ADCY9: variants seen among roughly 807,000 people sequenced by gnomAD.
ADCY9 encodes adenylate cyclase 9.
ADCY9 carries 50 observed loss-of-function variants against 101.5 expected under a neutral mutation model. The observed-to-expected ratio is 0.49, with a 90% confidence interval of 0.39 to 0.62. The LOEUF is 0.62. Among genes scored for constraint, ADCY9 ranks in the 20% least tolerant of loss-of-function variants. The pLI is 0.00. For synonymous variants in ADCY9, 905 were observed against 769.3 expected (o/e 1.18, Z -2.92); for missense variants, 1,662 against 1,800.4 (o/e 0.92, Z 1.39).
chr16:3,967,063 G>A (rs1293188447), intron 10 of ADCY9, 97 bp from the exon 11 acceptor site: 3 of 1,002,580 alleles, frequency 3.0e-6, no homozygotes, highest in Non-Finnish European at 4.4e-6. Context: ...TTGAGTCCAG[G>A]CCTTCAACAA....
At chr16:4,003,563 CTTTTTTTTTT>C (rs34344577) in intron 3 of ADCY9, among the ~76,000 whole-genome samples, 1 of 124,488 alleles carries the variant, frequency 8.0e-6, no homozygotes. Flanking sequence ...TCTTTCTTTT[CTTTTTTTTTT>C]TTTTTTTTTG....
chr16:4,097,964 C>T (rs2057018954), intron 2 of ADCY9, among the ~76,000 whole-genome samples: 2 of 152,080 alleles, frequency 1.3e-5, no homozygotes, highest in African/African-American at 4.8e-5. Context: ...AAAATTCCTG[C>T]TCTTAAGATG....
intron 2 of ADCY9, among the ~76,000 whole-genome samples, chr16:4,100,775 ACT>A (rs1567148448): frequency 6.6e-6 from 1 of 151,788 alleles, no homozygotes; most frequent in Admixed American, 6.6e-5. Flanking sequence ...AAAAAAACAA[ACT>A]CAGTCTGTAA....
At chr16:4,112,465 GA>G (rs1241588975) in intron 2 of ADCY9, among the ~76,000 whole-genome samples, 7 of 152,152 alleles carry the variant, frequency 4.6e-5, no homozygotes, top group African/African-American at 1.7e-4. Flanking sequence ...ACAAGCCAGA[GA>G]AAGAGAATGC....
intron 2 of ADCY9, among the ~76,000 whole-genome samples, chr16:4,099,687 A>G (rs550247954): frequency 6.6e-6 from 1 of 152,364 alleles, no homozygotes; most frequent in East Asian, 1.9e-4. Context: ...AATGGAATGA[A>G]ATACATCAAA....
intron 2 of ADCY9, among the ~76,000 whole-genome samples, chr16:4,089,997 G>A (rs1377922058): frequency 5.3e-5 from 8 of 152,052 alleles, no homozygotes; most frequent in Admixed American, 1.3e-4. Flanking sequence ...CTGGGACTCC[G>A]TGGGCCCGAG....
intron 8 of ADCY9, 32 bp from the exon 9 acceptor site, chr16:3,977,662 C>T: frequency 6.3e-7 from 1 of 1,591,880 alleles, no homozygotes; most frequent in South Asian, 1.1e-5. Context: ...GACAGCCGCC[C>T]AGGGCCACCC....
intron 2 of ADCY9, among the ~76,000 whole-genome samples, chr16:4,041,919 GTTTTT>G (rs750737772): frequency 2.0e-5 from 2 of 100,642 alleles, no homozygotes; most frequent in African/African-American, 7.9e-5. Flanking sequence ...CCCCAGCTAA[GTTTTT>G]TTTTTTTTTT....
chr16:4,021,697 C>T (rs1039043945), intron 2 of ADCY9, among the ~76,000 whole-genome samples: 2 of 152,194 alleles, frequency 1.3e-5, no homozygotes, highest in African/African-American at 4.8e-5. Flanking sequence ...AATATTCGTT[C>T]CCCCATCATA....
At chr16:4,102,553 G>T (rs961503922) in intron 2 of ADCY9, among the ~76,000 whole-genome samples, 1 of 152,170 alleles carries the variant, frequency 6.6e-6, no homozygotes, top group East Asian at 1.9e-4. Context: ...AGCCGCCCGA[G>T]TAGCTGGGAC....
chr16:3,993,538 C>T (rs745619039), intron 3 of ADCY9, 28 bp from the exon 4 acceptor site: 14 of 1,609,606 alleles, frequency 8.7e-6, no homozygotes, highest in Non-Finnish European at 1.1e-5. Flanking sequence ...ACTGTGGGGA[C>T]ACACCCAGAA....
At chr16:4,094,694 G>A (rs924632700) in intron 2 of ADCY9, among the ~76,000 whole-genome samples, 2 of 151,938 alleles carry the variant, frequency 1.3e-5, no homozygotes, top group Admixed American at 6.6e-5. Flanking sequence ...ATAAAATTGA[G>A]GAGATTAATA....
At position 4,013,611 on chromosome 16, in the gene ADCY9, T is replaced by A. The variant is rs1297103025; in HGVS notation, c.1694-6053A>T. Among the ~76,000 whole-genome samples, 4 of 152,362 alleles carry A rather than the reference T, an allele frequency of 2.6e-5. No homozygotes were observed. The East Asian group carries it at 7.7e-4, about 29-fold the overall frequency. Reference sequence around the variant, plus strand: ...AAAGAGGCAATCAGCTTGGGCTGGTTCAGAAACATTCCAAAAACGTCTTTC... The same window carrying A: ...AAAGAGGCAATCAGCTTGGGCTGGTACAGAAACATTCCAAAAACGTCTTTC... On this transcript the variant is annotated intron_variant, in intron 2 of 10. Coordinates refer to ENST00000294016, the MANE Select transcript of ADCY9 (RefSeq NM_001116.4).
At chr16:3,960,247 C>G (rs969867194), downstream of ADCY9, among the ~76,000 whole-genome samples, 1 of 151,898 alleles carries the variant, frequency 6.6e-6, no homozygotes, top group African/African-American at 2.4e-5. Flanking sequence ...TGGCCGGGCA[C>G]GGTGGCTCAC....
intron 2 of ADCY9, among the ~76,000 whole-genome samples, chr16:4,027,451 G>A (rs1389020831): frequency 6.6e-6 from 1 of 152,184 alleles, no homozygotes; most frequent in Non-Finnish European, 1.5e-5. Flanking sequence ...CGAAGGAAAG[G>A]TTTAACTGGC....
At chr16:4,085,772 A>G (rs1048421305) in intron 2 of ADCY9, among the ~76,000 whole-genome samples, 8 of 151,986 alleles carry the variant, frequency 5.3e-5, no homozygotes. Context: ...CCGCTGAGCC[A>G]GACTCTCTAG....
intron 3 of ADCY9, among the ~76,000 whole-genome samples, chr16:4,004,919 C>T (rs573663737): frequency 1.2e-4 from 19 of 152,278 alleles, no homozygotes; most frequent in Admixed American, 7.8e-4. Context: ...TGAAAATCTA[C>T]GCATGCTCCT....
chr16:4,008,341 T>G (rs1268973498), intron 2 of ADCY9, among the ~76,000 whole-genome samples: 1 of 152,190 alleles, frequency 6.6e-6, no homozygotes, highest in African/African-American at 2.4e-5. Context: ...CCCGGGAATC[T>G]GCTGGGAAGA....
chr16:3,956,509 G>GGGT (rs2055907441), intron 5 of ADCY9, among the ~76,000 whole-genome samples: 2 of 71,052 alleles, frequency 2.8e-5, no homozygotes, highest in African/African-American at 2.8e-4. Context: ...TTTTTGGGGG[G>GGGT]GGATGGAGTC....
Sources: allele counts gnomAD v4.1 joint callset (sites outside exome capture counted in the v4.1 genomes callset), GRCh38; gene constraint gnomAD v4.1.1; transcripts MANE v1.5; gene names NCBI Gene and HGNC (gene_info 2026-07-23, HGNC 2026-07-21).